The following PTPRE variants were observed in gnomAD, a reference collection of about 807,000 sequenced individuals.
The protein encoded by PTPRE is receptor-type tyrosine-protein phosphatase epsilon.
PTPRE carries 51 observed loss-of-function variants against 102.0 expected under a neutral mutation model. The ratio of observed to expected loss-of-function variants is 0.50; its 90% CI spans 0.40 to 0.63. The LOEUF (loss-of-function observed/expected upper bound fraction) is 0.63, where lower values mean the gene tolerates loss of function less well. Among genes scored for constraint, PTPRE ranks in the 30% least tolerant of loss-of-function variants. PTPRE has a pLI of 0.00. For missense variants in PTPRE, 752 were observed against 915.1 expected, an observed-to-expected ratio of 0.82 and a Z score of 2.30; for synonymous variants, 345 against 348.2, an observed-to-expected ratio of 0.99 and a Z score of 0.10.
chr10:128,055,050 C>T (rs1848837244), intron 6 of PTPRE, among the ~76,000 whole-genome samples: 1 of 152,140 alleles, frequency 6.6e-6, no homozygotes, highest in Non-Finnish European at 1.5e-5. Context: ...CCTAGTATCA[C>T]CTAATGATAG....
At chr10:127,989,539 A>C (rs1343439362) in intron 2 of PTPRE, among the ~76,000 whole-genome samples, 1 of 152,234 alleles carries the variant, frequency 6.6e-6, no homozygotes, top group African/African-American at 2.4e-5. Context: ...GTTGTAGGAC[A>C]GTGGAAAGGA....
At chr10:127,946,485 A>T (rs551058076) in intron 1 of PTPRE, among the ~76,000 whole-genome samples, 2 of 147,160 alleles carry the variant, frequency 1.4e-5, no homozygotes, top group Non-Finnish European at 3.0e-5. Flanking sequence ...TTGATTCTGC[A>T]TCTGCATCAT....
chr10:128,026,099 T>C (rs950705840), intron 2 of PTPRE, among the ~76,000 whole-genome samples: 2 of 152,010 alleles, frequency 1.3e-5, no homozygotes, highest in Admixed American at 6.6e-5. Flanking sequence ...GCAGGCATGG[T>C]GGGTGGCTAT....
intron 2 of PTPRE, among the ~76,000 whole-genome samples, chr10:128,015,754 T>C (rs1392642079): frequency 6.6e-6 from 1 of 152,148 alleles, no homozygotes; most frequent in South Asian, 2.1e-4. Context: ...GAGGTTACAG[T>C]GAGCTATGAT....
At chr10:127,981,391 A>G (rs1023566010) in intron 1 of PTPRE, among the ~76,000 whole-genome samples, 1 of 152,250 alleles carries the variant, frequency 6.6e-6, no homozygotes, top group Non-Finnish European at 1.5e-5. Context: ...ATTAGATTAC[A>G]TTGATGGTTT....
intron 6 of PTPRE, 132 bp downstream of exon 6, chr10:128,049,798 G>C: frequency 7.7e-7 from 1 of 1,304,890 alleles, no homozygotes; most frequent in Non-Finnish European, 1.0e-6. Flanking sequence ...CCATGAATGG[G>C]CGTGTGAGGA....
chr10:128,049,335 T>G (rs568488118), intron 5 of PTPRE, among the ~76,000 whole-genome samples, 195 bp from the exon 6 acceptor site: 1 of 152,200 alleles, frequency 6.6e-6, no homozygotes, highest in South Asian at 2.1e-4. Context: ...TTGTAAATGA[T>G]GTGGATGCCT....
intron 1 of PTPRE, among the ~76,000 whole-genome samples, chr10:127,940,275 C>T (rs1451489707): frequency 1.3e-5 from 2 of 152,106 alleles, no homozygotes; most frequent in Non-Finnish European, 2.9e-5. Context: ...GAATAAACAC[C>T]CCAGAAGCTC....
chr10:127,995,948 T>C lies in PTPRE; in HGVS notation c.-8+13652T>C, dbSNP rs911754111. ...AGCGTGAAATGGAGGGGGGCTTTCT[T>C]TGAGGGTTCAGCAAGCCATCTAGCC... On this transcript the variant is annotated intron_variant, in intron 2 of 20. Coordinates refer to ENST00000254667, the MANE Select transcript of PTPRE (RefSeq NM_006504.6). Among the ~76,000 whole-genome samples the C allele has an allele frequency of 7.2e-5, 11 of 152,072 alleles. No individual in the cohort carries two copies. The East Asian group carries it at 9.6e-4, about 13-fold the overall frequency.
chr10:127,907,524 C>G lies in PTPRE; in HGVS notation c.-31+215C>G, dbSNP rs1230047794. On this transcript the variant is annotated intron_variant, in intron 1 of 20. Transcript: ENST00000254667. This position sits in a 1 kb window ranked among gnomAD's most constrained non-coding sequence, Gnocchi z 4.8. The stretch of plus-strand genomic sequence containing the variant: ...CCCCCGACCCCGGCCTGTGGCGCGT[C>G]CCCTCACCCGGAGTCCCCAGCCCAA... 6.6e-6 allele frequency among the ~76,000 whole-genome samples: 1 copy of G among 151,926 alleles called. No homozygotes were observed. Among genetic ancestry groups the G allele is most frequent in the African/African-American group, 2.4e-5 (1 of 41,382 alleles).
chr10:128,068,512 G>A, intron 12 of PTPRE: 1 of 406,302 alleles, frequency 2.5e-6, no homozygotes, highest in Non-Finnish European at 4.3e-6. Flanking sequence ...AAAGCCAGGA[G>A]GCTCCGGTTG....
intron 6 of PTPRE, among the ~76,000 whole-genome samples, chr10:128,050,141 G>C (rs1264873516): frequency 8.3e-6 from 1 of 120,872 alleles, no homozygotes; most frequent in Admixed American, 1.2e-4. Flanking sequence ...GCTGCCTTGA[G>C]AGAACACTAG....
rs1401763751 is a variant in PTPRE at position 128,072,238 on chromosome 10, G to A, written c.1464+24G>A. The A allele has an allele frequency of 3.1e-6, 5 of 1,593,990 alleles. No individual in the cohort carries two copies. In the South Asian group the frequency reaches 4.5e-5, roughly 14 times the overall value. On this transcript the variant is annotated intron_variant, in intron 16 of 20. Transcript: ENST00000254667. ...ACGTACGTATGCTGGCCTGGGTTGTGTTTATGCAGATGTGTTTCCTTCACA... is the reference window on the plus strand; with the variant it reads ...ACGTACGTATGCTGGCCTGGGTTGTATTTATGCAGATGTGTTTCCTTCACA...
intron 1 of PTPRE, among the ~76,000 whole-genome samples, chr10:127,976,896 A>G (rs940891423): frequency 1.3e-5 from 2 of 152,208 alleles, no homozygotes; most frequent in African/African-American, 2.4e-5. Flanking sequence ...TTCTTCCATC[A>G]TTTGAATTAC....
At position 128,077,724 on chromosome 10, in the gene PTPRE, C is replaced by T. The variant is rs151208823; in HGVS notation, c.1833C>T (p.Ile611=). The change falls in exon 19 of 21, where the codon ATC becomes ATT. Residue 611 remains isoleucine, a synonymous_variant. Coordinates refer to ENST00000254667, the MANE Select transcript of PTPRE (RefSeq NM_006504.6). ...AGGGCAAAGGCATGATTGACCTCAT[C>T]GCAGCCGTGCAGAAGCAGCAGCAGC... is the stretch of plus-strand genomic sequence containing the variant. ...PAEGKGMIDL[I]AAVQKQQQQT... is the part of the protein sequence containing the mutation. 1,024 of 1,613,106 alleles carry T rather than the reference C, an allele frequency of 6.3e-4. 1 individual carries two copies. Among genetic ancestry groups the T allele is most frequent in the Middle Eastern group, 1.3e-3 (8 of 6,050 alleles).
chr10:127,947,009 A>T (rs1351037649), intron 1 of PTPRE, among the ~76,000 whole-genome samples: 1 of 146,380 alleles, frequency 6.8e-6, no homozygotes, highest in African/African-American at 2.6e-5. Flanking sequence ...TGACAGAATG[A>T]GACCCTGTCT....
intron 12 of PTPRE, 136 bp from the exon 13 acceptor site, chr10:128,069,556 T>C: frequency 8.2e-7 from 1 of 1,225,662 alleles, no homozygotes; most frequent in Non-Finnish European, 1.1e-6. Flanking sequence ...GTGGCTGCAC[T>C]GTAGCTTTGC....
At chr10:128,026,108 A>C (rs1846269488) in intron 2 of PTPRE, among the ~76,000 whole-genome samples, 1 of 152,120 alleles carries the variant, frequency 6.6e-6, no homozygotes, top group South Asian at 2.1e-4. Flanking sequence ...GTGGGTGGCT[A>C]TGTGGCCTGA....
rs116511436 is a variant in PTPRE at position 128,065,701 on chromosome 10, C to T, written c.724-374C>T. 8.6e-3 allele frequency among the ~76,000 whole-genome samples: 1,305 copies of T among 152,256 alleles called. 14 individuals carry two copies. Among genetic ancestry groups the T allele is most frequent in the African/African-American group, 0.029 (1,186 of 41,534 alleles). ...AGTGGGAAATGTCTGGGGGGAGCAC[C>T]GTCCTTGCCCTCTAGCCTGAGGGTC... On this transcript the variant is annotated intron_variant, in intron 10 of 20. Transcript: ENST00000254667.
Sources: gnomAD v4.1 joint callset for allele counts (sites outside exome capture counted in the v4.1 genomes callset) on GRCh38, gnomAD v4.1.1 for gene constraint, Gnocchi (gnomAD v3.1) non-coding constraint, MANE v1.5 for transcripts, NCBI Gene and HGNC (gene_info 2026-07-23, HGNC 2026-07-21) for gene names.